The following PHF13 variants were observed in gnomAD, a reference collection of about 807,000 sequenced individuals.
PHF13 encodes the protein PHD finger protein 13.
Under a neutral mutation model 25.8 loss-of-function variants are expected in PHF13, and 1 was observed. That is an observed-to-expected ratio of 0.04 (90% CI 0.01 to 0.18). The LOEUF (loss-of-function observed/expected upper bound fraction) is 0.18. Ranked by LOEUF, PHF13 falls within the 10% of genes least tolerant of loss-of-function variation. PHF13 has a pLI of 1.00. For synonymous variants in PHF13, 195 were observed against 162.4 expected (o/e 1.20, Z -1.53); for missense variants, 306 against 403.2 (o/e 0.76, Z 2.06).
rs1176853746 is a variant in PHF13 at position 6,614,097 on chromosome 1, C to T, written c.31C>T (p.His11Tyr). 4 of 1,600,358 alleles carry T rather than the reference C, an allele frequency of 2.5e-6. No individual in the cohort carries two copies. The highest frequency in any genetic ancestry group is 3.4e-6 in the Non-Finnish European group (4 of 1,174,828). The change falls in exon 1 of 4, where the codon CAC becomes TAC. Residue 11 changes from histidine (H) to tyrosine (Y), a missense_variant. His to Tyr is a moderately conservative substitution (Grantham distance 83). Around this residue, in one of 5 missense-constraint regions of PHF13, gnomAD observed 31 missense variants for 23.9 expected, o/e 1.30. Coordinates refer to ENST00000377648, the MANE Select transcript of PHF13 (RefSeq NM_153812.3). MDSDSCAAAF[H>Y]PEEYSPSCKR... is the part of the protein sequence containing the mutation. ...CTCTGACTCTTGCGCCGCCGCCTTC[C>T]ACCCGGAGGTGAGTGAAGCTGTGCG...
chr1:6,614,434 C>G (rs1365396411), intron 1 of PHF13: 4 of 326,654 alleles, frequency 1.2e-5, no homozygotes, highest in East Asian at 7.0e-5. Context: ...CAGCCCCTCC[C>G]CGCCGGCCTG....
At chr1:6,614,929 G>A (rs1184323253) in intron 1 of PHF13, among the ~76,000 whole-genome samples, 1 of 150,370 alleles carries the variant, frequency 6.7e-6, no homozygotes, top group South Asian at 2.1e-4. Flanking sequence ...GGCGGCGCCG[G>A]AGCCCGCCGG....
intron 1 of PHF13, chr1:6,614,692 C>T (rs1224524139): frequency 1.3e-5 from 2 of 151,122 alleles, no homozygotes; most frequent in Non-Finnish European, 3.0e-5. Flanking sequence ...CTCTGGGGAC[C>T]CGAGTCCTGC....
rs537291295 is a variant in PHF13 at position 6,623,699 on chromosome 1, G to A, written c.*2062G>A. 3 of 152,746 alleles carry A rather than the reference G, an allele frequency of 2.0e-5. No individual in the cohort carries two copies. Among genetic ancestry groups the A allele is most frequent in the Admixed American group, 6.5e-5 (1 of 15,292 alleles). 9.5% of individuals were successfully genotyped at this position (152,746 alleles called of 1,614,324 possible). A position where few individuals can be genotyped will look rare whatever the true frequency, so the allele number is the denominator to read the frequency against. Reference sequence around the variant, plus strand: ...TAGCAGATCTGTCCCTGTGGGTGGTGTCTAAGAAGTCGGACACCTTGGTTT... The same window carrying A: ...TAGCAGATCTGTCCCTGTGGGTGGTATCTAAGAAGTCGGACACCTTGGTTT... On this transcript the variant is annotated 3_prime_UTR_variant, in exon 4 of 4. Coordinates refer to ENST00000377648, the MANE Select transcript of PHF13 (RefSeq NM_153812.3).
Position 6,621,714 on chromosome 1 carries a change from A to G in PHF13, c.*77A>G, listed in dbSNP as rs1641342849. 1 of 1,423,232 alleles carries G rather than the reference A, an allele frequency of 7.0e-7. No individual in the cohort carries two copies. The highest frequency in any genetic ancestry group is 9.8e-7 in the Non-Finnish European group (1 of 1,021,810). 88.2% of individuals were successfully genotyped at this position (1,423,232 alleles called of 1,614,324 possible). A position where few individuals can be genotyped will look rare whatever the true frequency, so the allele number is the denominator to read the frequency against. The stretch of plus-strand genomic sequence containing the variant: ...TTTTTTGCCCTTCTCTTAGTTGAGC[A>G]CAGAACCCTCAGCTCTGGTGCGGGC... On this transcript the variant is annotated 3_prime_UTR_variant, in exon 4 of 4. Coordinates refer to ENST00000377648, the MANE Select transcript of PHF13 (RefSeq NM_153812.3). This position sits in a 1 kb window ranked among gnomAD's most constrained non-coding sequence, Gnocchi z 4.8.
At position 6,614,100 on chromosome 1, in the gene PHF13, C is replaced by G. The variant is rs201429171; in HGVS notation, c.34C>G (p.Pro12Ala). 363 of 1,599,940 alleles carry G rather than the reference C, an allele frequency of 2.3e-4. 1 individual carries two copies. Among genetic ancestry groups the G allele is most frequent in the Non-Finnish European group, 2.8e-4 (333 of 1,174,708 alleles). ...DSDSCAAAFH[P>A]EEYSPSCKRR... is the part of the protein sequence containing the mutation. ...TGACTCTTGCGCCGCCGCCTTCCAC[C>G]CGGAGGTGAGTGAAGCTGTGCGTCC... Residue 12 changes from proline to alanine, a missense_variant, in exon 1 of 4, where the codon CCG becomes GCG. Coordinates refer to ENST00000377648, the MANE Select transcript of PHF13 (RefSeq NM_153812.3).
rs1641312759 is a variant in PHF13, at chr1:6,619,902, G to C, written c.241G>C (p.Val81Leu). 6.2e-7 allele frequency: 1 copy of C among 1,614,014 alleles called. No individual in the cohort carries two copies. ...DAGFSDIASS[V>L]PLPVSDRCFS... ...GGGTTTCTCAGACATCGCGTCCTCA[G>C]TGCCCTTGCCAGTCTCTGACCGCTG... The change falls in exon 3 of 4, where the codon GTG becomes CTG. Residue 81 changes from valine to leucine, a missense_variant. Around this residue, in one of 5 missense-constraint regions of PHF13, gnomAD observed 186 missense variants for 164.0 expected, o/e 1.13. Coordinates refer to ENST00000377648, the MANE Select transcript of PHF13 (RefSeq NM_153812.3).
intron 3 of PHF13, 148 bp downstream of exon 3, chr1:6,620,485 A>G: frequency 1.1e-6 from 1 of 903,824 alleles, no homozygotes; most frequent in Non-Finnish European, 1.6e-6. Flanking sequence ...GAAAAGCTGC[A>G]GGAATGTGGA....
chr1:6,621,185 G>A lies in PHF13; in HGVS notation c.677-226G>A, dbSNP rs886387360. The stretch of plus-strand genomic sequence containing the variant: ...TGCACTCCAGCCAGGGTGACAGAGT[G>A]AGACCCTGTCTTAGGGAAAAAAAAA... On this transcript the variant is annotated intron_variant, in intron 3 of 3. Transcript: ENST00000377648. The surrounding 1 kb of genome is among the most constrained non-coding windows in gnomAD (Gnocchi z 4.8). 2.0e-5 allele frequency among the ~76,000 whole-genome samples: 3 copies of A among 151,280 alleles called. No homozygotes were observed. Among genetic ancestry groups the A allele is most frequent in the Non-Finnish European group, 4.4e-5 (3 of 67,884 alleles).
chr1:6,623,389 GGGCAAACAGCCA>G lies in PHF13; in HGVS notation c.*1755_*1766del, dbSNP rs1157532619. 1 of 152,610 alleles carries G rather than the reference GGGCAAACAGCCA, an allele frequency of 6.6e-6. No homozygotes were observed. Among genetic ancestry groups the G allele is most frequent in the African/African-American group, 2.4e-5 (1 of 41,434 alleles). The allele number at this position is 152,610 out of a possible 1,614,324, so 9.5% of individuals were successfully genotyped here. A position where few individuals can be genotyped will look rare whatever the true frequency, so the allele number is the denominator to read the frequency against. On this transcript the variant is annotated 3_prime_UTR_variant, in exon 4 of 4. Coordinates refer to ENST00000377648, the MANE Select transcript of PHF13 (RefSeq NM_153812.3). ...AGTAAGCTGGTTTAGAAACTGACGA[GGGCAAACAGCCA>G]GGACGCATTGGAGAGGAATTTGCCA... is the stretch of plus-strand genomic sequence containing the variant.
chr1:6,614,146 C>G, intron 1 of PHF13, 41 bp downstream of exon 1: 1 of 1,588,226 alleles, frequency 6.3e-7, no homozygotes, highest in Non-Finnish European at 8.6e-7. Context: ...CGACCACCCC[C>G]TCCGCGATCC....
At chr1:6,619,761 C>T (rs1459153821) in intron 2 of PHF13, 42 bp from the exon 3 acceptor site, 1 of 1,552,340 alleles carries the variant, frequency 6.4e-7, no homozygotes, top group Non-Finnish European at 8.7e-7. Flanking sequence ...TGGGCTGGAT[C>T]TTGTCACCAG....
Position 6,623,303 on chromosome 1 carries a change from A to T in PHF13, c.*1666A>T, listed in dbSNP as rs1332739632. 1 of 152,650 alleles carries T rather than the reference A, an allele frequency of 6.6e-6. No homozygotes were observed. The highest frequency in any genetic ancestry group is 1.9e-4 in the East Asian group (1 of 5,194). The allele number at this position is 152,650 out of a possible 1,614,324, so 9.5% of individuals were successfully genotyped here. On this transcript the variant is annotated 3_prime_UTR_variant, in exon 4 of 4. Coordinates refer to ENST00000377648, the MANE Select transcript of PHF13 (RefSeq NM_153812.3). ...TGTATTAACACGAAACTAGAGAGAA[A>T]TAGTTTCTGAAGCCAGTTTATTGTG... is the stretch of plus-strand genomic sequence containing the variant.
Position 6,616,522 on chromosome 1 carries a change from C to G in PHF13, c.40-235C>G, listed in dbSNP as rs562803062. 1.7e-4 allele frequency among the ~76,000 whole-genome samples: 26 copies of G among 152,310 alleles called. No individual in the cohort carries two copies. The South Asian group carries it at 4.4e-3, about 26-fold the overall frequency. ...TAGACTTTTGTAGAAGTTTTTATCTCCCAGCTGATTTCCCAGCATTCTTGG... is the reference window on the plus strand; with the variant it reads ...TAGACTTTTGTAGAAGTTTTTATCTGCCAGCTGATTTCCCAGCATTCTTGG... On this transcript the variant is annotated intron_variant, in intron 1 of 3. Transcript: ENST00000377648.
rs1203626605 is a variant in PHF13 at position 6,622,765 on chromosome 1, GTTCC to G, written c.*1131_*1134del. 4.6e-5 allele frequency: 7 copies of G among 152,220 alleles called. No homozygotes were observed. In the East Asian group the frequency reaches 1.3e-3, roughly 29 times the overall value. 9.4% of individuals were successfully genotyped at this position (152,220 alleles called of 1,614,324 possible). A position where few individuals can be genotyped will look rare whatever the true frequency, so the allele number is the denominator to read the frequency against. ...GGATGACCCCTTGGAACTGTGCCGA[GTTCC>G]TTAAATCTCAGCTGGGATCCTGGAC... On this transcript the variant is annotated 3_prime_UTR_variant, in exon 4 of 4. Transcript: ENST00000377648.
At chr1:6,616,556 C>T (rs1641263689) in intron 1 of PHF13, among the ~76,000 whole-genome samples, 1 of 152,188 alleles carries the variant, frequency 6.6e-6, no homozygotes, top group Non-Finnish European at 1.5e-5. Context: ...GGCATAAAGT[C>T]TTAATACTCC....
At chr1:6,615,502 C>T (rs1641247493) in intron 1 of PHF13, among the ~76,000 whole-genome samples, 1 of 152,040 alleles carries the variant, frequency 6.6e-6, no homozygotes, top group African/African-American at 2.4e-5. Context: ...ACCCGCGGGC[C>T]GCACGCCTGC....
At chr1:6,614,790 C>T (rs1452024716) in intron 1 of PHF13, among the ~76,000 whole-genome samples, 2 of 151,416 alleles carry the variant, frequency 1.3e-5, no homozygotes, top group African/African-American at 2.4e-5. Flanking sequence ...CCCCGGCTCA[C>T]TCCCCCTCCT....
At position 6,616,772 on chromosome 1, in the gene PHF13, T is replaced by C. The variant is rs1641267883; in HGVS notation, c.55T>C (p.Cys19Arg). 5.0e-6 allele frequency: 8 copies of C among 1,613,974 alleles called. No individual in the cohort carries two copies. The highest frequency in any genetic ancestry group is 6.8e-6 in the Non-Finnish European group (8 of 1,179,928). The change falls in exon 2 of 4, where the codon TGC becomes CGC. Residue 19 changes from cysteine to arginine, a missense_variant. By Grantham distance (180) the Cys-to-Arg change is radical. Coordinates refer to ENST00000377648, the MANE Select transcript of PHF13 (RefSeq NM_153812.3). ...CCCTTAATAGGAATACTCCCCCAGT[T>C]GCAAGAGGCGCAGGACCGTGGAAGA... ...AFHPEEYSPS[C>R]KRRRTVEDFN...
Sources: gnomAD v4.1 joint callset for allele counts (sites outside exome capture counted in the v4.1 genomes callset) on GRCh38, gnomAD v4.1.1 for gene constraint, gnomAD v4.1.1 regional missense constraint, Gnocchi (gnomAD v3.1) non-coding constraint, MANE v1.5 for transcripts, NCBI Gene and HGNC (gene_info 2026-07-23, HGNC 2026-07-21) for gene names.